Variants in FYN observed in about 807,000 individuals in gnomAD.
The protein encoded by FYN is FYN proto-oncogene, Src family tyrosine kinase.
A neutral mutation model predicts 70.2 loss-of-function variants in FYN; 10 were observed. That is an observed-to-expected ratio of 0.14 (90% CI 0.09 to 0.24). The LOEUF (loss-of-function observed/expected upper bound fraction) is 0.24, where lower values mean the gene tolerates loss of function less well. FYN is among the 10% of genes least tolerant of loss of function. The pLI is 1.00. For missense variants in FYN, 319 were observed against 673.1 expected (o/e 0.47, Z 5.82); for synonymous variants, 236 against 248.6 (o/e 0.95, Z 0.48).
At chr6:111,675,506 G>A (rs1170934302) in intron 12 of FYN, among the ~76,000 whole-genome samples, 1 of 152,032 alleles carries the variant, frequency 6.6e-6, no homozygotes, top group African/African-American at 2.4e-5. Flanking sequence ...AATTAAAAGG[G>A]ATTCAGGCCG....
rs533573511 is a variant in FYN at position 111,667,341 on chromosome 6, C to T, written c.1406-5394G>A. On this transcript the variant is annotated intron_variant, in intron 13 of 13. Coordinates refer to ENST00000354650, the MANE Select transcript of FYN (RefSeq NM_002037.5). Reference sequence around the variant, plus strand: ...GCAGCCTTGAACTCCTGGGCTCAAGCGATCCTCCTCACACTTCAGTCTCCC... The same window carrying T: ...GCAGCCTTGAACTCCTGGGCTCAAGTGATCCTCCTCACACTTCAGTCTCCC... Among the ~76,000 whole-genome samples, 43 of 152,242 alleles carry T rather than the reference C, an allele frequency of 2.8e-4. No individual in the cohort carries two copies. In the South Asian group the frequency reaches 7.9e-3, roughly 28 times the overall value.
At chr6:111,790,292 ACACACAT>A (rs1771568423) in intron 2 of FYN, among the ~76,000 whole-genome samples, 2 of 142,208 alleles carry the variant, frequency 1.4e-5, no homozygotes, top group South Asian at 2.2e-4. Context: ...ACACACACAC[ACACACAT>A]TCTGAAGGGC....
At chr6:111,671,938 T>C (rs2128407520) in intron 13 of FYN, among the ~76,000 whole-genome samples, 1 of 152,306 alleles carries the variant, frequency 6.6e-6, no homozygotes, top group Non-Finnish European at 1.5e-5. Context: ...ATTATAGCTA[T>C]GTTAAAAAGC....
At chr6:111,681,630 C>T (rs996275398) in intron 12 of FYN, among the ~76,000 whole-genome samples, 1 of 152,230 alleles carries the variant, frequency 6.6e-6, no homozygotes, top group African/African-American at 2.4e-5. Context: ...AGTCCCACCT[C>T]CTTCATGAAG....
chr6:111,674,731 G>C (rs755605763), intron 12 of FYN, 101 bp from the exon 13 acceptor site: 1 of 1,279,158 alleles, frequency 7.8e-7, no homozygotes. Flanking sequence ...CCTGAGAGCA[G>C]GTTTAGAGGG....
intron 1 of FYN, among the ~76,000 whole-genome samples, chr6:111,859,873 G>T (rs1042033975): frequency 1.3e-5 from 2 of 152,190 alleles, no homozygotes; most frequent in Admixed American, 6.5e-5. Flanking sequence ...ATTAAGTTAA[G>T]AATATCAAGA....
rs114392218 is a variant in FYN, at chr6:111,784,864, C to T, written c.-81-4229G>A. ...GGAAGCCACCCATACGTATTTTATA[C>T]GTATCACTGGTACTTATTAAAGACC... On this transcript the variant is annotated intron_variant, in intron 2 of 13. Transcript: ENST00000354650. Among the ~76,000 whole-genome samples, 204 of 152,314 alleles carry T rather than the reference C, an allele frequency of 1.3e-3. 2 individuals are homozygous for T. The highest frequency in any genetic ancestry group is 4.7e-3 in the African/African-American group (196 of 41,564).
At chr6:111,757,814 C>T (rs191683273) in intron 3 of FYN, among the ~76,000 whole-genome samples, 70 of 152,310 alleles carry the variant, frequency 4.6e-4, no homozygotes, top group African/African-American at 1.6e-3. Context: ...GATCCAATTG[C>T]GTTCCCTGTA....
At position 111,855,994 on chromosome 6, in the gene FYN, G is replaced by A. The variant is rs75690340; in HGVS notation, c.-122-9365C>T. Among the ~76,000 whole-genome samples, 305 of 152,230 alleles carry A rather than the reference G, an allele frequency of 2.0e-3. 1 individual carries two copies. Among genetic ancestry groups the A allele is most frequent in the East Asian group, 9.8e-3 (51 of 5,186 alleles). ...TTTGATGGAATGCCTAGTTTTAACT[G>A]GATACATTTATATTCCGTACCAGAA... On this transcript the variant is annotated intron_variant, in intron 1 of 13. Transcript: ENST00000354650.
At chr6:111,765,466 C>A (rs1464719243) in intron 3 of FYN, among the ~76,000 whole-genome samples, 1 of 152,120 alleles carries the variant, frequency 6.6e-6, no homozygotes, top group East Asian at 1.9e-4. Flanking sequence ...AGACCCTGGC[C>A]CTGCCTGCAC....
intron 2 of FYN, among the ~76,000 whole-genome samples, chr6:111,810,571 A>C (rs1209235205): frequency 1.3e-5 from 2 of 152,194 alleles, no homozygotes; most frequent in East Asian, 3.8e-4. Context: ...AAAAATTTAC[A>C]TTTATGTTCA....
Position 111,863,803 on chromosome 6 carries a change from G to A in FYN, c.-123+9165C>T, listed in dbSNP as rs76573388. Among the ~76,000 whole-genome samples, 75 of 152,244 alleles carry A rather than the reference G, an allele frequency of 4.9e-4. No individual in the cohort carries two copies. In the East Asian group the frequency reaches 9.8e-3, roughly 20 times the overall value. ...TACAAGTTAAGAGGTCTTTCTGTGC[G>A]GATTTATGATCCCGGGCCCCTCTCA... On this transcript the variant is annotated intron_variant, in intron 1 of 13. Coordinates refer to ENST00000354650, the MANE Select transcript of FYN (RefSeq NM_002037.5).
At chr6:111,713,565 C>G (rs1291036720) in intron 5 of FYN, among the ~76,000 whole-genome samples, 3 of 151,966 alleles carry the variant, frequency 2.0e-5, no homozygotes, top group Non-Finnish European at 1.5e-5. Flanking sequence ...TTCTTCAGAA[C>G]CTAGATTTTT....
At chr6:111,778,710 G>A (rs1771048971) in intron 3 of FYN, among the ~76,000 whole-genome samples, 1 of 151,798 alleles carries the variant, frequency 6.6e-6, no homozygotes, top group Admixed American at 6.6e-5. Context: ...TGGCCAGGAT[G>A]GTCTCGATCT....
At chr6:111,768,113 G>T (rs1215538510) in intron 3 of FYN, among the ~76,000 whole-genome samples, 1 of 152,196 alleles carries the variant, frequency 6.6e-6, no homozygotes, top group Non-Finnish European at 1.5e-5. Context: ...GCATGTATGT[G>T]TGTGTGCACA....
At chr6:111,682,733 T>C (rs1798829440) in intron 12 of FYN, among the ~76,000 whole-genome samples, 1 of 152,216 alleles carries the variant, frequency 6.6e-6, no homozygotes, top group South Asian at 2.1e-4. Context: ...CAGGTATCCC[T>C]GTGCTTGCAC....
intron 3 of FYN, among the ~76,000 whole-genome samples, chr6:111,745,774 T>C (rs1387129517): frequency 1.3e-5 from 2 of 152,224 alleles, no homozygotes; most frequent in Non-Finnish European, 2.9e-5. Context: ...CACAGAACAC[T>C]TTACAAAACA....
intron 3 of FYN, among the ~76,000 whole-genome samples, chr6:111,773,650 A>AGAG (rs1803591380): frequency 1.8e-5 from 1 of 54,338 alleles, no homozygotes; most frequent in African/African-American, 8.5e-5. Flanking sequence ...GGGGAGGGAG[A>AGAG]GGGGAAGAGG....
intron 13 of FYN, among the ~76,000 whole-genome samples, chr6:111,663,846 G>T (rs1490558538): frequency 6.6e-6 from 1 of 152,124 alleles, no homozygotes; most frequent in Non-Finnish European, 1.5e-5. Flanking sequence ...GGGGCGGGGA[G>T]CTGGAAGCAA....
Sources: allele counts gnomAD v4.1 joint callset (sites outside exome capture counted in the v4.1 genomes callset), GRCh38; gene constraint gnomAD v4.1.1; transcripts MANE v1.5; gene names NCBI Gene and HGNC (gene_info 2026-07-23, HGNC 2026-07-21).